Variants in CDC42BPA observed in about 807,000 individuals in gnomAD.
CDC42BPA encodes serine/threonine-protein kinase MRCK alpha.
A neutral mutation model predicts 223.5 loss-of-function variants in CDC42BPA; 80 were observed. The ratio of observed to expected loss-of-function variants is 0.36; its 90% CI spans 0.30 to 0.43. CDC42BPA has a LOEUF of 0.43. Among genes scored for constraint, CDC42BPA ranks in the 20% least tolerant of loss-of-function variants. CDC42BPA has a pLI of 1.00. For synonymous variants in CDC42BPA, 694 were observed against 718.6 expected, an observed-to-expected ratio of 0.97 and a Z score of 0.55; for missense variants, 1,743 against 2,099.9, an observed-to-expected ratio of 0.83 and a Z score of 3.32.
At chr1:227,036,295 T>TTA (rs1441736461) in intron 24 of CDC42BPA, among the ~76,000 whole-genome samples, 1 of 152,100 alleles carries the variant, frequency 6.6e-6, no homozygotes, top group Admixed American at 6.5e-5. Flanking sequence ...CTCAATGCAC[T>TTA]TTATTTATTT....
intron 16 of CDC42BPA, among the ~76,000 whole-genome samples, chr1:227,081,456 CT>C (rs34665842): frequency 0.16 from 23,728 of 145,680 alleles, 2,210 homozygotes; most frequent in African/African-American, 0.25. Context: ...TTCTCTCTCT[CT>C]TTTTTTTTTT....
At position 227,317,250 on chromosome 1, in the gene CDC42BPA, A is replaced by G. The variant is rs1396389997; in HGVS notation, c.-68T>C. 1.1e-5 allele frequency: 17 copies of G among 1,501,308 alleles called. No homozygotes were observed. Among genetic ancestry groups the G allele is most frequent in the Non-Finnish European group, 1.5e-5 (17 of 1,109,532 alleles). The allele number at this position is 1,501,308 out of a possible 1,614,324, so 93.0% of individuals were successfully genotyped here. A position where few individuals can be genotyped will look rare whatever the true frequency, so the allele number is the denominator to read the frequency against. The stretch of plus-strand genomic sequence containing the variant: ...TGACTTTTACTATTATCTGAACCTA[A>G]ATTTTAAAAGGTATGGTTTTAAAAA... On this transcript the variant is annotated 5_prime_UTR_variant, in exon 1 of 37. Coordinates refer to ENST00000366766, the MANE Select transcript of CDC42BPA (RefSeq NM_001394014.1).
intron 5 of CDC42BPA, among the ~76,000 whole-genome samples, chr1:227,164,657 CCTAT>C (rs1481932423): frequency 6.6e-6 from 1 of 152,176 alleles, no homozygotes; most frequent in Non-Finnish European, 1.5e-5. Flanking sequence ...GAGCAAGACT[CCTAT>C]CTCTTTTCAA....
intron 1 of CDC42BPA, among the ~76,000 whole-genome samples, chr1:227,304,805 C>T (rs1692272647): frequency 6.6e-6 from 1 of 152,110 alleles, no homozygotes; most frequent in Admixed American, 6.5e-5. Context: ...AAGAATAGCA[C>T]AAGAGAATTT....
At chr1:227,198,748 T>C (rs1315595191) in intron 4 of CDC42BPA, among the ~76,000 whole-genome samples, 1 of 97,908 alleles carries the variant, frequency 1.0e-5, no homozygotes, top group East Asian at 3.2e-4. Flanking sequence ...CCATGTAACA[T>C]ATTTAAATGT....
chr1:227,208,114 C>A lies in CDC42BPA; in HGVS notation c.354+5022G>T, dbSNP rs1249282945. Among the ~76,000 whole-genome samples the A allele has an allele frequency of 3.9e-3, 521 of 134,380 alleles. 3 individuals carry two copies. The highest frequency in any genetic ancestry group is 0.014 in the African/African-American group (500 of 35,322). The allele number at this position is 134,380 out of a possible 152,430, so 88.2% of individuals were successfully genotyped here. ...TTTTGATTTGCGTTTCTCTGATGGC[C>A]AGTGATGACGAGCATTTTTTCATGT... On this transcript the variant is annotated intron_variant, in intron 3 of 36. Coordinates refer to ENST00000366766, the MANE Select transcript of CDC42BPA (RefSeq NM_001394014.1).
intron 28 of CDC42BPA, among the ~76,000 whole-genome samples, chr1:227,031,079 A>AG (rs950411062): frequency 3.2e-4 from 48 of 152,128 alleles, no homozygotes; most frequent in African/African-American, 1.2e-3. Flanking sequence ...TTGTTTTTTC[A>AG]GGAAAAAAAA....
chr1:227,148,676 A>G (rs1661121743), intron 6 of CDC42BPA, among the ~76,000 whole-genome samples: 1 of 145,600 alleles, frequency 6.9e-6, no homozygotes, highest in Admixed American at 7.0e-5. Flanking sequence ...CTGAGGCAGG[A>G]GAATGGTGTG....
intron 1 of CDC42BPA, among the ~76,000 whole-genome samples, chr1:227,286,416 G>A (rs1187130071): frequency 6.6e-6 from 1 of 152,168 alleles, no homozygotes; most frequent in Non-Finnish European, 1.5e-5. Flanking sequence ...TGTAACAAGG[G>A]TGAACTTTGC....
intron 6 of CDC42BPA, among the ~76,000 whole-genome samples, chr1:227,152,977 T>C (rs951316132): frequency 2.0e-5 from 3 of 151,890 alleles, no homozygotes; most frequent in African/African-American, 7.2e-5. Context: ...TTTTTAAAAA[T>C]TCATTAATAT....
chr1:227,241,951 C>A (rs777542150), intron 2 of CDC42BPA, among the ~76,000 whole-genome samples: 13 of 152,130 alleles, frequency 8.5e-5, no homozygotes, highest in Non-Finnish European at 1.8e-4. Flanking sequence ...AAAACACTTT[C>A]CAAATTGTCT....
chr1:227,044,006 C>T (rs974789344), intron 23 of CDC42BPA, among the ~76,000 whole-genome samples: 2 of 152,076 alleles, frequency 1.3e-5, no homozygotes, highest in African/African-American at 4.8e-5. Context: ...TTCTCCACAT[C>T]CATGACGTCA....
At chr1:227,249,387 A>T (rs1681569318) in intron 2 of CDC42BPA, among the ~76,000 whole-genome samples, 1 of 152,232 alleles carries the variant, frequency 6.6e-6, no homozygotes, top group African/African-American at 2.4e-5. Flanking sequence ...AATTTCTTAA[A>T]ACACAGCCAA....
At chr1:227,239,026 T>G (rs1179310049) in intron 2 of CDC42BPA, among the ~76,000 whole-genome samples, 1 of 151,806 alleles carries the variant, frequency 6.6e-6, no homozygotes, top group African/African-American at 2.4e-5. Context: ...GAAAAAACAT[T>G]CTTTTCAAGT....
intron 28 of CDC42BPA, among the ~76,000 whole-genome samples, 198 bp from the exon 29 acceptor site, chr1:227,030,668 T>C (rs994984151): frequency 6.6e-6 from 1 of 152,208 alleles, no homozygotes; most frequent in African/African-American, 2.4e-5. Flanking sequence ...GAATAATCCA[T>C]ATCAATACTT....
At chr1:227,045,346 CT>C (rs1231253937) in intron 23 of CDC42BPA, among the ~76,000 whole-genome samples, 1 of 152,128 alleles carries the variant, frequency 6.6e-6, no homozygotes. Flanking sequence ...ATTTCAATTC[CT>C]GAATATGTGG....
chr1:227,309,120 T>C (rs1693068727), intron 1 of CDC42BPA, among the ~76,000 whole-genome samples: 1 of 151,532 alleles, frequency 6.6e-6, no homozygotes, highest in Admixed American at 6.6e-5. Context: ...ATCCCAGCAC[T>C]TTGGGGAGGC....
rs766776305 is a variant in CDC42BPA at position 227,028,845 on chromosome 1, C to T, written c.4244G>A (p.Ser1415Asn). 4.3e-6 allele frequency: 7 copies of T among 1,613,888 alleles called. No homozygotes were observed. The Admixed American group carries it at 1.0e-4, about 23-fold the overall frequency. The change falls in exon 30 of 37, where the codon AGT (serine) becomes AAT (asparagine). Residue 1415 changes from serine (S) to asparagine (N), a missense_variant. By Grantham distance (46) the Ser-to-Asn change is conservative (BLOSUM62 1). Transcript: ENST00000366766. Reference protein sequence around the residue: ...YPLNGEGNPYSMLHSNDHTLS... With the variant: ...YPLNGEGNPYNMLHSNDHTLS... The stretch of plus-strand genomic sequence containing the variant: ...TGTATGGTCATTTGAATGGAGCATA[C>T]TGTATGGATTTCCTTCTCCATTCAA...
At chr1:227,059,499 TATATAAACATAC>T in intron 21 of CDC42BPA, 1 of 1,173,362 alleles carries the variant, frequency 8.5e-7, no homozygotes, top group Non-Finnish European at 1.2e-6. Flanking sequence ...ACAGACAAAG[TATATAAACATAC>T]ATATAAAGCC....
Sources: allele counts gnomAD v4.1 joint callset (sites outside exome capture counted in the v4.1 genomes callset), GRCh38; gene constraint gnomAD v4.1.1; transcripts MANE v1.5; gene names NCBI Gene and HGNC (gene_info 2026-07-23, HGNC 2026-07-21).